Variants in AMH observed in about 807,000 individuals in gnomAD.
AMH encodes anti-Muellerian hormone.
Under a neutral mutation model 33.3 loss-of-function variants are expected in AMH, and 39 were observed. That is an observed-to-expected ratio of 1.17 (90% confidence interval 0.91 to 1.53). The LOEUF (loss-of-function observed/expected upper bound fraction) is 1.53, where lower values mean the gene tolerates loss of function less well. Among genes scored for constraint, AMH ranks in the 40% most tolerant of loss-of-function variants. The pLI, the probability that AMH is intolerant of heterozygous loss-of-function variation, is 0.00. For missense variants in AMH, 1,019 were observed against 799.8 expected, an observed-to-expected ratio of 1.27 and a Z score of -3.30; for synonymous variants, 536 against 403.0, an observed-to-expected ratio of 1.33 and a Z score of -3.95.
In AMH at chr19:2,249,704, C is replaced by A; in HGVS notation, c.372C>A (p.Asp124Glu). ...SLRRLGAWLR[D>E]PGGQRLVVLH... is the part of the protein sequence containing the mutation. Reference sequence around the variant, plus strand: ...GGCGGCTGGGGGCCTGGCTGCGGGACCCTGGGGGGCAGCGCCTGGTGGTCC... The same window carrying A: ...GGCGGCTGGGGGCCTGGCTGCGGGAACCTGGGGGGCAGCGCCTGGTGGTCC... Residue 124 changes from aspartate (D) to glutamate (E), a missense_variant, in exon 1 of 5, where the codon GAC (aspartate) becomes GAA (glutamate). Transcript: ENST00000221496. 1 of 1,504,890 alleles carries A rather than the reference C, an allele frequency of 6.6e-7. No individual in the cohort carries two copies. Among genetic ancestry groups the A allele is most frequent in the Non-Finnish European group, 8.8e-7 (1 of 1,132,024 alleles). The allele number at this position is 1,504,890 out of a possible 1,614,324, so 93.2% of individuals were successfully genotyped here.
In AMH at chr19:2,251,812, T is replaced by C. The variant is rs566876047; in HGVS notation, c.1538T>C (p.Met513Thr). ...AACCACGTGGTGCTGCTGCTGAAGA[T>C]GCAGGTCCGTGGGGCCGCCCTGGCG... is the stretch of plus-strand genomic sequence containing the variant. ...YGNHVVLLLK[M>T]QVRGAALARP... The change falls in exon 5 of 5, where the codon ATG (methionine) becomes ACG (threonine). Residue 513 changes from methionine (M) to threonine (T), a missense_variant. Coordinates refer to ENST00000221496, the MANE Select transcript of AMH (RefSeq NM_000479.5). 254 of 1,607,154 alleles carry C rather than the reference T, an allele frequency of 1.6e-4. 3 individuals are homozygous for C. In the South Asian group the frequency reaches 2.8e-3, roughly 17 times the overall value.
chr19:2,249,562 G>A lies in AMH; in HGVS notation c.230G>A (p.Ser77Asn). The A allele has an allele frequency of 6.3e-7, 1 of 1,580,152 alleles. No individual in the cohort carries two copies. The highest frequency in any genetic ancestry group is 8.6e-7 in the Non-Finnish European group (1 of 1,165,652). The change falls in exon 1 of 5, where the codon AGC (serine) becomes AAC (asparagine). Residue 77 changes from serine (S) to asparagine (N), a missense_variant. Coordinates refer to ENST00000221496, the MANE Select transcript of AMH (RefSeq NM_000479.5). Reference sequence around the variant, plus strand: ...CCCCTGCGGGTGGTGGGGGCTCTAAGCGCCTATGAGCAGGCCTTCCTGGGG... The same window carrying A: ...CCCCTGCGGGTGGTGGGGGCTCTAAACGCCTATGAGCAGGCCTTCCTGGGG... ...SSPLRVVGAL[S>N]AYEQAFLGAV... is the part of the protein sequence containing the mutation.
At position 2,251,586 on chromosome 19, in the gene AMH, T is replaced by TGGCGCG; in HGVS notation, c.1317_1322dup (p.Gly440_Arg441dup). The TGGCGCG allele has an allele frequency of 2.3e-6, 3 of 1,287,112 alleles. No homozygotes were observed. Among genetic ancestry groups the TGGCGCG allele is most frequent in the Non-Finnish European group, 2.9e-6 (3 of 1,020,660 alleles). 79.7% of individuals were successfully genotyped at this position (1,287,112 alleles called of 1,614,324 possible). On this transcript the variant is annotated inframe_insertion, in exon 5 of 5. Transcript: ENST00000221496. ...GGCGCTGCAGGGCCTGCGCGTGGAGTGGCGCGGGCGGGATCCGCGCGGGCC... is the reference window on the plus strand; with the variant it reads ...GGCGCTGCAGGGCCTGCGCGTGGAGTGGCGCGGGCGCGGGCGGGATCCGCGCGGGCC...
At chr19:2,250,565 A>G in intron 2 of AMH, 86 bp downstream of exon 2, 9 of 1,538,256 alleles carry the variant, frequency 5.9e-6, no homozygotes, top group Non-Finnish European at 7.9e-6. Context: ...AGAACAGCGT[A>G]GAACCAGTGG....
rs1341468406 is a variant in AMH at position 2,249,475 on chromosome 19, G to A, written c.143G>A (p.Gly48Asp). The change falls in exon 1 of 5, where the codon GGC becomes GAC. Residue 48 changes from glycine to aspartate, a missense_variant. Physicochemically the swap from Gly to Asp is moderately conservative, Grantham distance 94 (BLOSUM62 -1). Coordinates refer to ENST00000221496, the MANE Select transcript of AMH (RefSeq NM_000479.5). ...CGAGAAGACTTGGACTGGCCTCCAG[G>A]CAGCCCACAAGAGCCTCTGTGCCTG... Reference protein sequence around the residue: ...IFREDLDWPPGSPQEPLCLVA... With the variant: ...IFREDLDWPPDSPQEPLCLVA... 1 of 1,607,494 alleles carries A rather than the reference G, an allele frequency of 6.2e-7. No individual in the cohort carries two copies. The highest frequency in any genetic ancestry group is 8.5e-7 in the Non-Finnish European group (1 of 1,177,848).
chr19:2,251,612 G>C lies in AMH; in HGVS notation c.1338G>C (p.Pro446=). 2.2e-6 allele frequency: 3 copies of C among 1,351,592 alleles called. No homozygotes were observed. The highest frequency in any genetic ancestry group is 2.8e-6 in the Non-Finnish European group (3 of 1,054,742). The allele number at this position is 1,351,592 out of a possible 1,614,324, so 83.7% of individuals were successfully genotyped here. Residue 446 remains proline (P), a synonymous_variant, in exon 5 of 5, where the codon CCG becomes CCC. Coordinates refer to ENST00000221496, the MANE Select transcript of AMH (RefSeq NM_000479.5). ...GGCGCGGGCGGGATCCGCGCGGGCCGGGTCGGGCACAGCGCAGCGCGGGGG... is the reference window on the plus strand; with the variant it reads ...GGCGCGGGCGGGATCCGCGCGGGCCCGGTCGGGCACAGCGCAGCGCGGGGG... ...VEWRGRDPRG[P]GRAQRSAGAT...
In AMH at chr19:2,251,656, C is replaced by G. The variant is rs745590628; in HGVS notation, c.1382C>G (p.Pro461Arg). ...RSAGATAADGPCALRELSVDL... is the reference protein window; with the variant it reads ...RSAGATAADGRCALRELSVDL... ...GCGGGGGCCACCGCCGCCGACGGGC[C>G]GTGCGCGCTGCGCGAGCTCAGCGTA... is the stretch of plus-strand genomic sequence containing the variant. Residue 461 changes from proline to arginine, a missense_variant, in exon 5 of 5, where the codon CCG (proline) becomes CGG (arginine). Coordinates refer to ENST00000221496, the MANE Select transcript of AMH (RefSeq NM_000479.5). 8.7e-6 allele frequency: 14 copies of G among 1,604,356 alleles called. No individual in the cohort carries two copies. Among genetic ancestry groups the G allele is most frequent in the East Asian group, 2.3e-5 (1 of 44,314 alleles).
Position 2,249,550 on chromosome 19 carries a change from TG to T in AMH, c.223del (p.Ala75LeufsTer2). ...SNGSSSPLRV[V>X]GALSAYEQAF... ...GGCAGCAGCTCCCCCCTGCGGGTGG[TG>T]GGGGCTCTAAGCGCCTATGAGCAGG... On this transcript the variant is annotated frameshift_variant, in exon 1 of 5. Coordinates refer to ENST00000221496, the MANE Select transcript of AMH (RefSeq NM_000479.5). LOFTEE classifies it high-confidence loss of function. 3.1e-6 allele frequency: 5 copies of T among 1,590,090 alleles called. No individual in the cohort carries two copies. Among genetic ancestry groups the T allele is most frequent in the Non-Finnish European group, 2.6e-6 (3 of 1,170,690 alleles).
rs749401185 is a variant in AMH, at chr19:2,251,087, T to G, written c.825-12T>G. 2.0e-4 allele frequency: 313 copies of G among 1,539,810 alleles called. 4 individuals carry two copies. In the Admixed American group the frequency reaches 5.7e-3, roughly 28 times the overall value. Reference sequence around the variant, plus strand: ...CGTGGCCGCTCTCAACTCCTCCAATTGCGGGTTCCAGGCCATCCGCGGAAC... The same window carrying G: ...CGTGGCCGCTCTCAACTCCTCCAATGGCGGGTTCCAGGCCATCCGCGGAAC... On this transcript the variant is annotated splice_polypyrimidine_tract_variant and intron_variant, in intron 4 of 4. Coordinates refer to ENST00000221496, the MANE Select transcript of AMH (RefSeq NM_000479.5).
Position 2,250,980 on chromosome 19 carries a change from C to A in AMH, c.796C>A (p.Leu266Met). The change falls in exon 4 of 5, where the codon CTG becomes ATG. Residue 266 changes from leucine (L) to methionine (M), a missense_variant. Leu to Met is a conservative substitution (Grantham distance 15). Coordinates refer to ENST00000221496, the MANE Select transcript of AMH (RefSeq NM_000479.5). Reference sequence around the variant, plus strand: ...CGCGCCGCTGCCTGCGCACGGCCAGCTGGACACCGTGCCCTTCCCGCCGCC... The same window carrying A: ...CGCGCCGCTGCCTGCGCACGGCCAGATGGACACCGTGCCCTTCCCGCCGCC... ...EPAPLPAHGQ[L>M]DTVPFPPPRP... The A allele has an allele frequency of 6.6e-7, 1 of 1,517,988 alleles. No individual in the cohort carries two copies. Among genetic ancestry groups the A allele is most frequent in the Non-Finnish European group, 8.8e-7 (1 of 1,140,208 alleles). The allele number at this position is 1,517,988 out of a possible 1,614,324, so 94.0% of individuals were successfully genotyped here.
In AMH at chr19:2,250,980, C is replaced by G. The variant is rs2145029762; in HGVS notation, c.796C>G (p.Leu266Val). 3 of 1,517,988 alleles carry G rather than the reference C, an allele frequency of 2.0e-6. No homozygotes were observed. The highest frequency in any genetic ancestry group is 2.6e-6 in the Non-Finnish European group (3 of 1,140,208). 94.0% of individuals were successfully genotyped at this position (1,517,988 alleles called of 1,614,324 possible). ...CGCGCCGCTGCCTGCGCACGGCCAG[C>G]TGGACACCGTGCCCTTCCCGCCGCC... is the stretch of plus-strand genomic sequence containing the variant. ...EPAPLPAHGQ[L>V]DTVPFPPPRP... Residue 266 changes from leucine to valine, a missense_variant, in exon 4 of 5, where the codon CTG becomes GTG. Physicochemically the swap from Leu to Val is conservative, Grantham distance 32 (BLOSUM62 1). Coordinates refer to ENST00000221496, the MANE Select transcript of AMH (RefSeq NM_000479.5).
chr19:2,249,569 TG>T lies in AMH; in HGVS notation c.238del (p.Glu80SerfsTer59), dbSNP rs1308258492. ...GGGTGGTGGGGGCTCTAAGCGCCTATGAGCAGGCCTTCCTGGGGGCCGTGCA... is the reference window on the plus strand; with the variant it reads ...GGGTGGTGGGGGCTCTAAGCGCCTATAGCAGGCCTTCCTGGGGGCCGTGCA... ...LRVVGALSAY[E>X]QAFLGAVQRA... On this transcript the variant is annotated frameshift_variant, in exon 1 of 5. Coordinates refer to ENST00000221496, the MANE Select transcript of AMH (RefSeq NM_000479.5). LOFTEE classifies it high-confidence loss of function. 5 of 1,575,832 alleles carry T rather than the reference TG, an allele frequency of 3.2e-6. No individual in the cohort carries two copies. The African/African-American group carries it at 6.7e-5, about 21-fold the overall frequency.
chr19:2,251,471 C>T lies in AMH; in HGVS notation c.1197C>T (p.Ala399=). 1 of 1,404,628 alleles carries T rather than the reference C, an allele frequency of 7.1e-7. No individual in the cohort carries two copies. The highest frequency in any genetic ancestry group is 9.2e-7 in the Non-Finnish European group (1 of 1,084,346). 87.0% of individuals were successfully genotyped at this position (1,404,628 alleles called of 1,614,324 possible). ...ELRSLPGLPP[A]TAPLLARLLA... ...GAAGCCTCCCGGGTCTGCCTCCGGC[C>T]ACAGCCCCGCTGCTGGCGCGCCTGC... The change falls in exon 5 of 5, where the codon GCC becomes GCT. Residue 399 remains alanine (A), a synonymous_variant. Coordinates refer to ENST00000221496, the MANE Select transcript of AMH (RefSeq NM_000479.5).
Position 2,249,690 on chromosome 19 carries a change from G to A in AMH, c.358G>A (p.Ala120Thr). 1 of 1,502,688 alleles carries A rather than the reference G, an allele frequency of 6.7e-7. No homozygotes were observed. Among genetic ancestry groups the A allele is most frequent in the Non-Finnish European group, 8.8e-7 (1 of 1,130,534 alleles). 93.1% of individuals were successfully genotyped at this position (1,502,688 alleles called of 1,614,324 possible). ...CTTGCCCTCTCTACGGCGGCTGGGGGCCTGGCTGCGGGACCCTGGGGGGCA... is the reference window on the plus strand; with the variant it reads ...CTTGCCCTCTCTACGGCGGCTGGGGACCTGGCTGCGGGACCCTGGGGGGCA... ...AALPSLRRLG[A>T]WLRDPGGQRL... The change falls in exon 1 of 5, where the codon GCC becomes ACC. Residue 120 changes from alanine (A) to threonine (T), a missense_variant. Coordinates refer to ENST00000221496, the MANE Select transcript of AMH (RefSeq NM_000479.5).
Position 2,251,519 on chromosome 19 carries a change from C to A in AMH, c.1245C>A (p.Pro415=), listed in dbSNP as rs1456482261. The A allele has an allele frequency of 1.5e-6, 2 of 1,339,436 alleles. No homozygotes were observed. The highest frequency in any genetic ancestry group is 1.9e-6 in the Non-Finnish European group (2 of 1,047,936). The allele number at this position is 1,339,436 out of a possible 1,614,324, so 83.0% of individuals were successfully genotyped here. Reference sequence around the variant, plus strand: ...TGCTCGCGCTCTGCCCAGGTGGCCCCGGCGGCCTCGGCGATCCCCTGCGAG... The same window carrying A: ...TGCTCGCGCTCTGCCCAGGTGGCCCAGGCGGCCTCGGCGATCCCCTGCGAG... ...ARLLALCPGG[P]GGLGDPLRAL... The change falls in exon 5 of 5, where the codon CCC becomes CCA. Residue 415 remains proline (P), a synonymous_variant. Transcript: ENST00000221496.
At position 2,251,112 on chromosome 19, in the gene AMH, C is replaced by A. The variant is rs1211864433; in HGVS notation, c.838C>A (p.Leu280Ile). 2.6e-6 allele frequency: 4 copies of A among 1,542,580 alleles called. No individual in the cohort carries two copies. Among genetic ancestry groups the A allele is most frequent in the East Asian group, 4.9e-5 (2 of 40,920 alleles). The change falls in exon 5 of 5, where the codon CTC becomes ATC. Residue 280 changes from leucine to isoleucine, a missense_variant. By Grantham distance (5) the Leu-to-Ile change is conservative. Transcript: ENST00000221496. The stretch of plus-strand genomic sequence containing the variant: ...TGCGGGTTCCAGGCCATCCGCGGAA[C>A]TCGAGGAGTCGCCACCCAGCGCAGA... ...PFPPPRPSAE[L>I]EESPPSADPF... is the part of the protein sequence containing the mutation.
In AMH at chr19:2,249,605, C is replaced by G. The variant is rs776141279; in HGVS notation, c.273C>G (p.Arg91=). 7 of 1,548,068 alleles carry G rather than the reference C, an allele frequency of 4.5e-6. No individual in the cohort carries two copies. The East Asian group carries it at 1.4e-4, about 31-fold the overall frequency. Residue 91 remains arginine, a synonymous_variant, in exon 1 of 5, where the codon CGC becomes CGG. Coordinates refer to ENST00000221496, the MANE Select transcript of AMH (RefSeq NM_000479.5). ...QAFLGAVQRA[R]WGPRDLATFG... ...TCCTGGGGGCCGTGCAGAGGGCCCG[C>G]TGGGGCCCCCGAGACCTGGCCACCT... is the stretch of plus-strand genomic sequence containing the variant.
At position 2,250,402 on chromosome 19, in the gene AMH, G is replaced by C. The variant is rs756662915; in HGVS notation, c.478G>C (p.Glu160Gln). 17 of 1,579,390 alleles carry C rather than the reference G, an allele frequency of 1.1e-5. No homozygotes were observed. In the Admixed American group the frequency reaches 1.6e-4, roughly 15 times the overall value. Reference sequence around the variant, plus strand: ...CCCGCCTGGAGGAGCTGGCCCCCCAGAGCTGGCGCTGCTGGTGCTGTACCC... The same window carrying C: ...CCCGCCTGGAGGAGCTGGCCCCCCACAGCTGGCGCTGCTGGTGCTGTACCC... The part of the protein sequence containing the change: ...EPPPGGAGPP[E>Q]LALLVLYPGP... Residue 160 changes from glutamate to glutamine, a missense_variant, in exon 2 of 5, where the codon GAG (glutamate) becomes CAG (glutamine). Transcript: ENST00000221496.
At chr19:2,250,281 T>C in intron 1 of AMH, 56 bp from the exon 2 acceptor site, 1 of 1,552,464 alleles carries the variant, frequency 6.4e-7, no homozygotes, top group Non-Finnish European at 8.7e-7. Context: ...ATCCCAAAGA[T>C]TCCCGGGGGG....
Sources: gnomAD v4.1 joint callset for allele counts on GRCh38, gnomAD v4.1.1 for gene constraint, MANE v1.5 for transcripts, NCBI Gene and HGNC (gene_info 2026-07-23, HGNC 2026-07-21) for gene names.